The following HK2 variants were observed in gnomAD, a reference collection of about 807,000 sequenced individuals.
HK2 encodes the protein hexokinase-2.
HK2 carries 42 observed loss-of-function variants against 92.9 expected under a neutral mutation model. That is an observed-to-expected ratio of 0.45 (90% CI 0.35 to 0.58). HK2 has a LOEUF of 0.58. Ranked by LOEUF, HK2 falls within the 20% of genes least tolerant of loss-of-function variation. The pLI is 0.00. For synonymous variants in HK2, 422 were observed against 468.0 expected, an observed-to-expected ratio of 0.90 and a Z score of 1.27; for missense variants, 978 against 1,245.1, an observed-to-expected ratio of 0.79 and a Z score of 3.23.
chr2:74,878,903 T>C lies in HK2; in HGVS notation c.1247T>C (p.Val416Ala). 1 of 1,551,398 alleles carries C rather than the reference T, an allele frequency of 6.4e-7. No individual in the cohort carries two copies. Among genetic ancestry groups the C allele is most frequent in the Non-Finnish European group, 8.7e-7 (1 of 1,146,996 alleles). The change falls in exon 9 of 18, where the codon GTC becomes GCC. Residue 416 changes from valine to alanine, a missense_variant. By Grantham distance (64) the Val-to-Ala change is moderately conservative (BLOSUM62 0). This residue lies in a region of HK2 where 742 missense variants were observed against 922.5 expected (regional missense o/e 0.80). Transcript: ENST00000290573. ...TCTACTATTGGGGTCGACGGTTCCGTCTACAAGAAACACCCCCAGTGAGTC... is the reference window on the plus strand; with the variant it reads ...TCTACTATTGGGGTCGACGGTTCCGCCTACAAGAAACACCCCCAGTGAGTC... Reference protein sequence around the residue: ...LRSTIGVDGSVYKKHPHFAKR... With the variant: ...LRSTIGVDGSAYKKHPHFAKR...
intron 2 of HK2, among the ~76,000 whole-genome samples, chr2:74,867,294 G>A (rs3771767): frequency 0.21 from 31,543 of 151,904 alleles, 3,976 homozygotes; most frequent in East Asian, 0.48. Context: ...AACATCATAT[G>A]TTCTCACTCA....
At position 74,834,936 on chromosome 2, in the gene HK2, G is replaced by A. The variant is rs1437724268; in HGVS notation, c.63+293G>A. On this transcript the variant is annotated intron_variant, in intron 1 of 17. Transcript: ENST00000290573. This position sits in a 1 kb window ranked among gnomAD's most constrained non-coding sequence, Gnocchi z 4.2. ...CAGTCCCTTTTTCCCTGTTACTGGA[G>A]GGGCGGGTCACCCCGCAGGTAGTCA... is the stretch of plus-strand genomic sequence containing the variant. Among the ~76,000 whole-genome samples, 2 of 152,202 alleles carry A rather than the reference G, an allele frequency of 1.3e-5. No individual in the cohort carries two copies. Among genetic ancestry groups the A allele is most frequent in the African/African-American group, 4.8e-5 (2 of 41,460 alleles).
intron 2 of HK2, among the ~76,000 whole-genome samples, chr2:74,858,317 G>C (rs746056789): frequency 6.6e-6 from 1 of 152,136 alleles, no homozygotes; most frequent in Admixed American, 6.5e-5. Context: ...TTCTAGATGA[G>C]CATTTCCTTT....
chr2:74,874,604 C>G (rs1689182827), intron 7 of HK2, among the ~76,000 whole-genome samples, 155 bp downstream of exon 7: 1 of 152,204 alleles, frequency 6.6e-6, no homozygotes, highest in Admixed American at 6.5e-5. Flanking sequence ...CTATAAATTG[C>G]TGAGAGGATC....
intron 1 of HK2, among the ~76,000 whole-genome samples, chr2:74,847,920 A>G (rs899553404): frequency 2.2e-4 from 34 of 152,208 alleles, no homozygotes; most frequent in African/African-American, 8.2e-4. Flanking sequence ...TACCTGGTGC[A>G]GTGGTCTTTA....
chr2:74,889,735 A>G (rs1353920973), intron 17 of HK2, among the ~76,000 whole-genome samples: 1 of 151,704 alleles, frequency 6.6e-6, no homozygotes, highest in Non-Finnish European at 1.5e-5. Context: ...GTTGTGCTGA[A>G]TCAGTCCCTT....
chr2:74,862,749 T>A (rs773050318), intron 2 of HK2, among the ~76,000 whole-genome samples: 7 of 152,184 alleles, frequency 4.6e-5, no homozygotes, highest in Non-Finnish European at 8.8e-5. Context: ...GGCACTTACA[T>A]TGTCAGGCGT....
chr2:74,848,096 T>G (rs370837644), intron 1 of HK2, among the ~76,000 whole-genome samples: 1 of 152,348 alleles, frequency 6.6e-6, no homozygotes, highest in African/African-American at 2.4e-5. Flanking sequence ...CTTTTCACAC[T>G]GCTGTCTCTA....
Position 74,834,674 on chromosome 2 carries a change from G to T in HK2, c.63+31G>T. ...TCAGCGCGGGCGGGGCGGCAGGCTG[G>T]GCTCTGGCAAAGTGGTCTGGCCTCC... On this transcript the variant is annotated intron_variant, in intron 1 of 17. Coordinates refer to ENST00000290573, the MANE Select transcript of HK2 (RefSeq NM_000189.5). The surrounding 1 kb of genome is among the most constrained non-coding windows in gnomAD (Gnocchi z 4.2). 6.2e-7 allele frequency: 1 copy of T among 1,612,516 alleles called. No individual in the cohort carries two copies. The highest frequency in any genetic ancestry group is 1.7e-5 in the Admixed American group (1 of 60,028).
intron 8 of HK2, among the ~76,000 whole-genome samples, chr2:74,878,421 G>C (rs1007819895): frequency 2.1e-5 from 3 of 145,426 alleles, no homozygotes; most frequent in African/African-American, 8.4e-5. Context: ...CTCTGTGTGT[G>C]TGTGTGTGTG....
chr2:74,840,711 C>A (rs1387118018), intron 1 of HK2, among the ~76,000 whole-genome samples: 38 of 129,158 alleles, frequency 2.9e-4, no homozygotes, highest in South Asian at 1.0e-3. Context: ...ACTAAAAATA[C>A]AAAAAAAAAA....
intron 17 of HK2, among the ~76,000 whole-genome samples, chr2:74,889,741 C>T (rs1235731162): frequency 6.6e-6 from 1 of 151,704 alleles, no homozygotes; most frequent in Non-Finnish European, 1.5e-5. Flanking sequence ...CTGAATCAGT[C>T]CCTTGCTTTT....
At chr2:74,882,605 T>TTATATATATATA (rs141761906) in intron 12 of HK2, among the ~76,000 whole-genome samples, 1,589 of 75,672 alleles carry the variant, frequency 0.021, 284 homozygotes, top group African/African-American at 0.059. Context: ...TCTATTGAAC[T>TTATATATATATA]TATATATATA....
chr2:74,870,913 G>A (rs1029252434), intron 3 of HK2, among the ~76,000 whole-genome samples: 29 of 152,350 alleles, frequency 1.9e-4, no homozygotes, highest in African/African-American at 6.7e-4. Flanking sequence ...GATGTGGGAA[G>A]TTTAGTTAGA....
intron 2 of HK2, among the ~76,000 whole-genome samples, chr2:74,866,018 C>T (rs1388342122): frequency 6.6e-6 from 1 of 152,076 alleles, no homozygotes; most frequent in Non-Finnish European, 1.5e-5. Context: ...TAAATAGTGG[C>T]CGGGGTTCTG....
rs1230860571 is a variant in HK2, at chr2:74,878,677, C to G, written c.1032-11C>G. 2.5e-6 allele frequency: 4 copies of G among 1,596,200 alleles called. No homozygotes were observed. Among genetic ancestry groups the G allele is most frequent in the Non-Finnish European group, 3.4e-6 (4 of 1,170,054 alleles). On this transcript the variant is annotated splice_polypyrimidine_tract_variant and intron_variant, in intron 8 of 17. Coordinates refer to ENST00000290573, the MANE Select transcript of HK2 (RefSeq NM_000189.5). The stretch of plus-strand genomic sequence containing the variant: ...AGACACAGGCCCACATGCTATCTTT[C>G]TGTTTCCCAGGGAGAAGGATGGCAT...
At position 74,885,128 on chromosome 2, in the gene HK2, G is replaced by A. The variant is rs17847166; in HGVS notation, c.1840-366G>A. On this transcript the variant is annotated intron_variant, in intron 12 of 17. Coordinates refer to ENST00000290573, the MANE Select transcript of HK2 (RefSeq NM_000189.5). The stretch of plus-strand genomic sequence containing the variant: ...CGTGGTGCTTATGAGCCCATTCACT[G>A]GGGTCGGAGGGCCTCGGAGTGCATC... 3.3e-5 allele frequency among the ~76,000 whole-genome samples: 5 copies of A among 152,308 alleles called. No individual in the cohort carries two copies. In the East Asian group the frequency reaches 9.7e-4, roughly 29 times the overall value.
intron 1 of HK2, among the ~76,000 whole-genome samples, chr2:74,840,182 C>T (rs1448949714): frequency 6.6e-6 from 1 of 150,978 alleles, no homozygotes; most frequent in Non-Finnish European, 1.5e-5. Context: ...ATGGTCTTAT[C>T]TCCTGACCTC....
chr2:74,853,632 C>T (rs1379008980), intron 1 of HK2, among the ~76,000 whole-genome samples: 1 of 151,638 alleles, frequency 6.6e-6, no homozygotes, highest in Admixed American at 6.6e-5. Context: ...GTGGGAGGAT[C>T]ACCTGAGGCT....
Sources: allele counts gnomAD v4.1 joint callset (sites outside exome capture counted in the v4.1 genomes callset), GRCh38; gene constraint gnomAD v4.1.1; regional missense constraint gnomAD v4.1.1; non-coding constraint Gnocchi (gnomAD v3.1); transcripts MANE v1.5; gene names NCBI Gene and HGNC (gene_info 2026-07-23, HGNC 2026-07-21).